DNAJC13: variants seen among roughly 807,000 people sequenced by gnomAD.
The protein encoded by DNAJC13 is DnaJ heat shock protein family (Hsp40) member C13, also known as dnaJ homolog subfamily C member 13.
Under a neutral mutation model 290.5 loss-of-function variants are expected in DNAJC13, and 75 were observed. The ratio of observed to expected loss-of-function variants is 0.26; its 90% CI spans 0.21 to 0.31. The LOEUF is 0.31. DNAJC13 is among the 10% of genes least tolerant of loss of function. DNAJC13 has a pLI of 1.00. For missense variants in DNAJC13, 2,260 were observed against 2,674.5 expected (o/e 0.85, Z 3.42); for synonymous variants, 862 against 892.0 (o/e 0.97, Z 0.60).
intron 4 of DNAJC13, 82 bp from the exon 5 acceptor site, chr3:132,447,816 A>T: frequency 1.8e-6 from 2 of 1,085,176 alleles, no homozygotes; most frequent in Non-Finnish European, 2.8e-6. Context: ...TCAGGATTTT[A>T]CTTGCTTTGA....
At position 132,453,521 on chromosome 3, in the gene DNAJC13, A is replaced by G. The variant is rs776664452; in HGVS notation, c.744+17A>G. On this transcript the variant is annotated intron_variant, in intron 7 of 55. Transcript: ENST00000260818. ...AGACATTCGGTAAGACCCATATGTTAAAAATGAAAATTTGTTCACCTGATT... is the reference window on the plus strand; with the variant it reads ...AGACATTCGGTAAGACCCATATGTTGAAAATGAAAATTTGTTCACCTGATT... The G allele has an allele frequency of 6.2e-7, 1 of 1,610,668 alleles. No homozygotes were observed.
chr3:132,482,137 C>T, intron 26 of DNAJC13, 89 bp from the exon 27 acceptor site: 1 of 1,023,364 alleles, frequency 9.8e-7, no homozygotes, highest in South Asian at 1.6e-5. Context: ...ATAAACCCCT[C>T]CAAAGTACTG....
intron 54 of DNAJC13, among the ~76,000 whole-genome samples, chr3:132,528,548 A>G (rs1936326955): frequency 6.6e-6 from 1 of 152,254 alleles, no homozygotes; most frequent in Admixed American, 6.5e-5. Context: ...TCTTCTGGAT[A>G]GTGATGGCAT....
At chr3:132,457,982 AT>A (rs149183660) in intron 13 of DNAJC13, 1 of 152,084 alleles carries the variant, frequency 6.6e-6, no homozygotes, top group Non-Finnish European at 1.5e-5. Context: ...CACCTGAAGG[AT>A]TTTTTTTAGC....
chr3:132,516,346 C>A, intron 46 of DNAJC13, 76 bp from the exon 47 acceptor site: 4 of 1,337,386 alleles, frequency 3.0e-6, no homozygotes, highest in South Asian at 1.2e-5. Context: ...TAGTTAAGTG[C>A]CTGGCACAGA....
At chr3:132,477,585 G>A (rs1934514916) in intron 22 of DNAJC13, among the ~76,000 whole-genome samples, 1 of 152,142 alleles carries the variant, frequency 6.6e-6, no homozygotes, top group South Asian at 2.1e-4. Context: ...ATAGTGCTGT[G>A]ACAATTTTTA....
At chr3:132,435,071 A>G (rs1470259498) in intron 2 of DNAJC13, among the ~76,000 whole-genome samples, 1 of 152,164 alleles carries the variant, frequency 6.6e-6, no homozygotes, top group African/African-American at 2.4e-5. Flanking sequence ...ATTGGGTTTA[A>G]TATATTTTCT....
At chr3:132,503,494 G>A (rs1398801037) in intron 41 of DNAJC13, 113 bp downstream of exon 41, 1 of 1,248,894 alleles carries the variant, frequency 8.0e-7, no homozygotes, top group Non-Finnish European at 1.1e-6. Context: ...ACGTTCACAT[G>A]TTTGTTCTCT....
chr3:132,428,841 T>C (rs547536301), intron 1 of DNAJC13, among the ~76,000 whole-genome samples: 1 of 152,212 alleles, frequency 6.6e-6, no homozygotes, highest in South Asian at 2.1e-4. Flanking sequence ...TTCAAACAAT[T>C]CTCCTGCCTC....
chr3:132,430,220 A>G (rs1246545672), intron 1 of DNAJC13, among the ~76,000 whole-genome samples: 1 of 152,144 alleles, frequency 6.6e-6, no homozygotes, highest in Non-Finnish European at 1.5e-5. Flanking sequence ...CTTGATGTAA[A>G]GTTATTTAAT....
rs964694822 is a variant in DNAJC13, at chr3:132,480,308, G to A, written c.2773-61G>A. ...AGTACCTATTGGGAAAGGTACTATT[G>A]GGATAGGTTTTAGGTTATGAAAAAT... On this transcript the variant is annotated intron_variant, in intron 25 of 55. Coordinates refer to ENST00000260818, the MANE Select transcript of DNAJC13 (RefSeq NM_015268.4). 44 of 1,136,312 alleles carry A rather than the reference G, an allele frequency of 3.9e-5. No homozygotes were observed. In the African/African-American group the frequency reaches 5.2e-4, roughly 13 times the overall value. 70.4% of individuals were successfully genotyped at this position (1,136,312 alleles called of 1,614,324 possible). A position where few individuals can be genotyped will look rare whatever the true frequency, so the allele number is the denominator to read the frequency against.
intron 22 of DNAJC13, among the ~76,000 whole-genome samples, chr3:132,477,057 A>G (rs1324863706): frequency 6.6e-6 from 1 of 152,248 alleles, no homozygotes; most frequent in Non-Finnish European, 1.5e-5. Flanking sequence ...TGCCTGGAAT[A>G]GTACATGGCA....
rs1486315887 is a variant in DNAJC13 at position 132,514,555 on chromosome 3, G to C, written c.5386-16G>C. On this transcript the variant is annotated splice_polypyrimidine_tract_variant and intron_variant, in intron 45 of 55. Coordinates refer to ENST00000260818, the MANE Select transcript of DNAJC13 (RefSeq NM_015268.4). The stretch of plus-strand genomic sequence containing the variant: ...TTATTTCTGAAACTTTTACTATCCT[G>C]TTGATTAATTTTCAGGTTGTGAATA... The C allele has an allele frequency of 6.3e-6, 10 of 1,575,436 alleles. No homozygotes were observed. The highest frequency in any genetic ancestry group is 8.7e-6 in the Non-Finnish European group (10 of 1,152,232).
chr3:132,480,129 T>G (rs904875424), intron 25 of DNAJC13, among the ~76,000 whole-genome samples: 2 of 152,194 alleles, frequency 1.3e-5, no homozygotes, highest in Non-Finnish European at 2.9e-5. Flanking sequence ...TAAAAATTCT[T>G]AAGTGATCTC....
At chr3:132,493,247 G>A (rs1417475067) in intron 33 of DNAJC13, among the ~76,000 whole-genome samples, 1 of 151,964 alleles carries the variant, frequency 6.6e-6, no homozygotes, top group Non-Finnish European at 1.5e-5. Flanking sequence ...CTGAGTCTTT[G>A]TGTATCTGTG....
In DNAJC13 at chr3:132,453,437, A is replaced by G. The variant is rs763495079; in HGVS notation, c.677A>G (p.Tyr226Cys). The stretch of plus-strand genomic sequence containing the variant: ...TATTTGAATCTTCGCTTTGGAAAAT[A>G]CAGCACTGATGAATCCATCACATCT... ...EQYLNLRFGK[Y>C]STDESITSLA... The change falls in exon 7 of 56, where the codon TAC becomes TGC. Residue 226 changes from tyrosine (Y) to cysteine (C), a missense_variant. Transcript: ENST00000260818. 6 of 1,613,870 alleles carry G rather than the reference A, an allele frequency of 3.7e-6. No individual in the cohort carries two copies. The highest frequency in any genetic ancestry group is 5.1e-6 in the Non-Finnish European group (6 of 1,179,928).
intron 2 of DNAJC13, among the ~76,000 whole-genome samples, chr3:132,442,783 A>C (rs546390865): frequency 1.3e-5 from 2 of 152,354 alleles, no homozygotes; most frequent in East Asian, 3.9e-4. Flanking sequence ...TAATGATGTA[A>C]GTTTAGTGCC....
intron 39 of DNAJC13, among the ~76,000 whole-genome samples, chr3:132,501,477 A>G (rs540025350): frequency 6.4e-4 from 97 of 151,600 alleles, no homozygotes; most frequent in Admixed American, 5.9e-3. Context: ...CTGACACCCT[A>G]TGTTTCTGTG....
intron 31 of DNAJC13, among the ~76,000 whole-genome samples, 199 bp downstream of exon 31, chr3:132,489,220 T>C (rs1157892437): frequency 4.6e-5 from 7 of 152,202 alleles, no homozygotes. Context: ...TAAATGTTGC[T>C]GACTCATTAG....
Sources: allele counts gnomAD v4.1 joint callset (sites outside exome capture counted in the v4.1 genomes callset), GRCh38; gene constraint gnomAD v4.1.1; transcripts MANE v1.5; gene names NCBI Gene and HGNC (gene_info 2026-07-23, HGNC 2026-07-21).